The following RPS6KC1 variants were observed in gnomAD, a reference collection of about 807,000 sequenced individuals.
RPS6KC1 encodes ribosomal protein S6 kinase C1, also known as inactive ribosomal protein S6 kinase delta-1.
In RPS6KC1, 54 loss-of-function variants were observed where a neutral mutation model predicts 103.8. The observed-to-expected ratio is 0.52, with a 90% CI of 0.42 to 0.65. The LOEUF is 0.65. RPS6KC1 is among the 30% of genes least tolerant of loss of function. The pLI, the probability that RPS6KC1 is intolerant of heterozygous loss-of-function variation, is 0.00. For synonymous variants in RPS6KC1, 439 were observed against 438.7 expected (o/e 1.00, Z -0.01); for missense variants, 1,151 against 1,253.8 (o/e 0.92, Z 1.24).
chr1:213,186,380 T>A (rs1293654535), intron 8 of RPS6KC1, among the ~76,000 whole-genome samples: 1 of 152,146 alleles, frequency 6.6e-6, no homozygotes, highest in East Asian at 1.9e-4. Context: ...TATTTTTGGT[T>A]TGTTTTTTAA....
chr1:213,193,082 T>A (rs975837763), intron 8 of RPS6KC1, among the ~76,000 whole-genome samples: 1 of 152,118 alleles, frequency 6.6e-6, no homozygotes, highest in African/African-American at 2.4e-5. Context: ...GTTTTTTTTT[T>A]TTTTAACTGT....
the RPS6KC1 span, among the ~76,000 whole-genome samples, chr1:213,427,429 T>C: frequency 6.6e-5 from 10 of 152,216 alleles, no homozygotes; most frequent in Non-Finnish European, 1.5e-5. Context: ...CTTTTTGCTT[T>C]GGCTACTAGG....
chr1:213,773,748 TA>T, the RPS6KC1 span, among the ~76,000 whole-genome samples: 1 of 152,106 alleles, frequency 6.6e-6, no homozygotes, highest in East Asian at 1.9e-4. Context: ...TCTTTGTGAT[TA>T]AGCCTTCCAT....
At chr1:213,290,118 C>T in the RPS6KC1 span, among the ~76,000 whole-genome samples, 4 of 120,280 alleles carry the variant, frequency 3.3e-5, no homozygotes, top group Admixed American at 1.1e-4. Flanking sequence ...GCAATCCGGC[C>T]TGGGCTAAAC....
the RPS6KC1 span, among the ~76,000 whole-genome samples, chr1:213,768,957 A>G: frequency 6.6e-6 from 1 of 152,200 alleles, no homozygotes; most frequent in Non-Finnish European, 1.5e-5. Flanking sequence ...GGGGAGAGTG[A>G]AGATAAGCCC....
At chr1:213,828,843 A>T in the RPS6KC1 span, among the ~76,000 whole-genome samples, 1 of 152,338 alleles carries the variant, frequency 6.6e-6, no homozygotes, top group East Asian at 1.9e-4. Flanking sequence ...AAGAAAACTT[A>T]TTACCTAGTA....
chr1:213,687,238 C>A, the RPS6KC1 span, among the ~76,000 whole-genome samples: 1 of 152,180 alleles, frequency 6.6e-6, no homozygotes, highest in Non-Finnish European at 1.5e-5. Flanking sequence ...TTCACCCAGA[C>A]CCTATTCAAG....
the RPS6KC1 span, among the ~76,000 whole-genome samples, chr1:213,391,449 G>T: frequency 1.3e-5 from 2 of 152,150 alleles, no homozygotes; most frequent in Non-Finnish European, 2.9e-5. Flanking sequence ...CGTGCATGTG[G>T]AACATTTGTT....
At chr1:213,553,793 A>G in the RPS6KC1 span, among the ~76,000 whole-genome samples, 1 of 152,004 alleles carries the variant, frequency 6.6e-6, no homozygotes, top group African/African-American at 2.4e-5. Flanking sequence ...GATATTGATC[A>G]TTTTCTATAT....
chr1:213,569,364 C>G, the RPS6KC1 span, among the ~76,000 whole-genome samples: 15 of 152,146 alleles, frequency 9.9e-5, no homozygotes, highest in African/African-American at 3.4e-4. Context: ...ATTAGGGCAT[C>G]CTTGCCTAAC....
At chr1:213,785,150 T>G in the RPS6KC1 span, among the ~76,000 whole-genome samples, 1 of 152,200 alleles carries the variant, frequency 6.6e-6, no homozygotes. Flanking sequence ...TTACACAGCA[T>G]TGTTGGGTGT....
chr1:213,823,393 G>C, the RPS6KC1 span, among the ~76,000 whole-genome samples: 1 of 152,144 alleles, frequency 6.6e-6, no homozygotes, highest in African/African-American at 2.4e-5. Context: ...CTCAAAAAGT[G>C]TTTAAGTGAA....
At chr1:213,257,675 ACC>A (rs2094680914) in intron 12 of RPS6KC1, among the ~76,000 whole-genome samples, 8 of 151,778 alleles carry the variant, frequency 5.3e-5, no homozygotes, top group Admixed American at 5.2e-4. Flanking sequence ...TGCAATGTGT[ACC>A]TACTGTGAAC....
chr1:213,247,484 G>C (rs1203156601), intron 12 of RPS6KC1, among the ~76,000 whole-genome samples: 1 of 152,086 alleles, frequency 6.6e-6, no homozygotes, highest in Non-Finnish European at 1.5e-5. Context: ...TAGGCATGGA[G>C]CTCCATGTAA....
intron 1 of RPS6KC1, among the ~76,000 whole-genome samples, chr1:213,063,922 TGTAAG>T (rs1182163840): frequency 6.6e-6 from 1 of 152,026 alleles, no homozygotes; most frequent in East Asian, 1.9e-4. Context: ...TTTAGTAGAG[TGTAAG>T]GTAATACTTT....
At chr1:213,409,691 C>T in the RPS6KC1 span, among the ~76,000 whole-genome samples, 10 of 152,180 alleles carry the variant, frequency 6.6e-5, no homozygotes, top group Non-Finnish European at 1.2e-4. Context: ...CATTTCTGTT[C>T]GGTCTGCTCA....
the RPS6KC1 span, among the ~76,000 whole-genome samples, chr1:213,632,651 C>T: frequency 6.6e-6 from 1 of 152,202 alleles, no homozygotes; most frequent in African/African-American, 2.4e-5. Flanking sequence ...TCCAAAGGAT[C>T]GCAGCTCCTC....
chr1:213,067,640 A>T (rs1218135074), intron 1 of RPS6KC1, among the ~76,000 whole-genome samples: 2 of 152,074 alleles, frequency 1.3e-5, no homozygotes, highest in Non-Finnish European at 2.9e-5. Context: ...TGTTTGGGAA[A>T]TACACCCTCC....
the RPS6KC1 span, among the ~76,000 whole-genome samples, chr1:213,638,663 G>T: frequency 6.6e-6 from 1 of 151,786 alleles, no homozygotes; most frequent in African/African-American, 2.4e-5. Flanking sequence ...ATATTAGATG[G>T]GTAAATTTGT....
Sources: allele counts gnomAD v4.1 joint callset (sites outside exome capture counted in the v4.1 genomes callset), GRCh38; gene constraint gnomAD v4.1.1; transcripts MANE v1.5; gene names NCBI Gene and HGNC (gene_info 2026-07-23, HGNC 2026-07-21).